Variants in RPGRIP1L observed in about 807,000 individuals in gnomAD.
RPGRIP1L encodes the protein protein fantom.
A neutral mutation model predicts 160.4 loss-of-function variants in RPGRIP1L; 131 were observed. The observed-to-expected ratio is 0.82, with a 90% CI of 0.71 to 0.94. The LOEUF is 0.94. Among genes scored for constraint, RPGRIP1L ranks in the 40% least tolerant of loss-of-function variants. The pLI is 0.00. For synonymous variants in RPGRIP1L, 510 were observed against 515.8 expected (o/e 0.99, Z 0.15); for missense variants, 1,522 against 1,535.8 (o/e 0.99, Z 0.15).
Position 53,638,330 on chromosome 16 carries a change from T to C in RPGRIP1L, c.3040A>G (p.Thr1014Ala), listed in dbSNP as rs757343133. 5.1e-6 allele frequency: 8 copies of C among 1,581,060 alleles called. No homozygotes were observed. The South Asian group carries it at 8.9e-5, about 17-fold the overall frequency. The part of the protein sequence containing the change: ...HIPEIEINML[T>A]VPHVPKVSQE... ...CATACCTTGGGAACATGTGGAACAG[T>C]CAGCATATTAATTTCTATTTCTGGT... Residue 1014 changes from threonine to alanine, a missense_variant, in exon 20 of 27, where the codon ACT (threonine) becomes GCT (alanine). Transcript: ENST00000647211.
In RPGRIP1L at chr16:53,688,016, G is replaced by T. The variant is rs148326584; in HGVS notation, c.530-51C>A. On this transcript the variant is annotated intron_variant, in intron 4 of 26. Transcript: ENST00000647211. ...TTACAGAATTGAAGTTAGAAAAGAA[G>T]GATCTTTGATTTGCTATAATAAGGA... 511 of 1,123,896 alleles carry T rather than the reference G, an allele frequency of 4.5e-4. 2 individuals carry two copies. The African/African-American group carries it at 6.9e-3, about 15-fold the overall frequency. 69.6% of individuals were successfully genotyped at this position (1,123,896 alleles called of 1,614,324 possible).
rs142938635 is a variant in RPGRIP1L, at chr16:53,601,521, G to C, written c.*555C>G. On this transcript the variant is annotated 3_prime_UTR_variant, in exon 27 of 27. Coordinates refer to ENST00000647211, the MANE Select transcript of RPGRIP1L (RefSeq NM_015272.5). Reference sequence around the variant, plus strand: ...GCATGCATCAAAGAAAATGCATACTGAGCTTTAATGTGCATAAAATGGATA... The same window carrying C: ...GCATGCATCAAAGAAAATGCATACTCAGCTTTAATGTGCATAAAATGGATA... 1.3e-5 allele frequency: 2 copies of C among 154,102 alleles called. No homozygotes were observed. The highest frequency in any genetic ancestry group is 1.9e-4 in the East Asian group (1 of 5,208). 9.5% of individuals were successfully genotyped at this position (154,102 alleles called of 1,614,324 possible).
At chr16:53,613,252 T>A (rs1964165647) in intron 24 of RPGRIP1L, among the ~76,000 whole-genome samples, 1 of 152,212 alleles carries the variant, frequency 6.6e-6, no homozygotes, top group African/African-American at 2.4e-5. Flanking sequence ...TTTCAATTCT[T>A]TTTGGTATAT....
chr16:53,658,908 G>C, intron 10 of RPGRIP1L, 30 bp from the exon 11 acceptor site: 2 of 1,398,498 alleles, frequency 1.4e-6, no homozygotes, highest in Non-Finnish European at 2.0e-6. Flanking sequence ...CAATTGGAAA[G>C]GTAAGTAAAA....
chr16:53,688,947 C>T (rs189995715), intron 4 of RPGRIP1L, among the ~76,000 whole-genome samples: 171 of 151,834 alleles, frequency 1.1e-3, no homozygotes, highest in Non-Finnish European at 2.0e-3. Flanking sequence ...GGCAGTAATG[C>T]TAATTCTTAC....
chr16:53,631,523 A>C (rs968314874), intron 22 of RPGRIP1L, among the ~76,000 whole-genome samples: 1 of 152,238 alleles, frequency 6.6e-6, no homozygotes, highest in African/African-American at 2.4e-5. Context: ...TAAAATTAGA[A>C]ATAATGCAAA....
At chr16:53,667,510 G>C (rs910924616) in intron 9 of RPGRIP1L, among the ~76,000 whole-genome samples, 15 of 152,334 alleles carry the variant, frequency 9.8e-5, no homozygotes, top group Admixed American at 7.2e-4. Flanking sequence ...GGCTGAGGCA[G>C]GAGGATGGCT....
intron 25 of RPGRIP1L, chr16:53,608,018 G>A (rs1029600574): frequency 5.1e-6 from 5 of 975,414 alleles, no homozygotes; most frequent in Non-Finnish European, 6.1e-6. Context: ...GGGGGCAGAT[G>A]TCAAGCACTC....
chr16:53,644,598 G>C (rs1363812961), intron 17 of RPGRIP1L, among the ~76,000 whole-genome samples: 2 of 152,060 alleles, frequency 1.3e-5, no homozygotes, highest in African/African-American at 4.8e-5. Context: ...AAGTATGAGA[G>C]AACCACAATA....
At chr16:53,657,208 C>G (rs996654963) in intron 13 of RPGRIP1L, among the ~76,000 whole-genome samples, 1 of 151,916 alleles carries the variant, frequency 6.6e-6, no homozygotes, top group Non-Finnish European at 1.5e-5. Context: ...CCACTGGATT[C>G]CAGCCTGGGT....
chr16:53,631,218 A>G (rs1411930421), intron 22 of RPGRIP1L, among the ~76,000 whole-genome samples: 1 of 152,236 alleles, frequency 6.6e-6, no homozygotes, highest in Non-Finnish European at 1.5e-5. Flanking sequence ...CAAAGTTTTA[A>G]ACATACTTTG....
intron 24 of RPGRIP1L, among the ~76,000 whole-genome samples, chr16:53,612,416 A>G (rs1221048701): frequency 6.6e-6 from 1 of 152,028 alleles, no homozygotes; most frequent in Admixed American, 6.5e-5. Context: ...CTAACAGATC[A>G]CTGGAAGATA....
At position 53,653,335 on chromosome 16, in the gene RPGRIP1L, C is replaced by T. The variant is rs191439212; in HGVS notation, c.1700-348G>A. On this transcript the variant is annotated intron_variant, in intron 14 of 26. Transcript: ENST00000647211. ...GTCTCTGCTCCACCCATTGTCTTCA[C>T]TCCTATAAAGTCAGTCTCTCTTTCT... 1.8e-5 allele frequency: 20 copies of T among 1,111,468 alleles called. No individual in the cohort carries two copies. In the Admixed American group the frequency reaches 3.8e-4, roughly 21 times the overall value. The allele number at this position is 1,111,468 out of a possible 1,614,324, so 68.9% of individuals were successfully genotyped here. A position where few individuals can be genotyped will look rare whatever the true frequency, so the allele number is the denominator to read the frequency against.
chr16:53,609,173 C>T (rs1441583340), intron 25 of RPGRIP1L, among the ~76,000 whole-genome samples: 2 of 152,194 alleles, frequency 1.3e-5, no homozygotes, highest in Admixed American at 6.5e-5. Flanking sequence ...ACTGCAAGCT[C>T]GAACTCCTGG....
chr16:53,602,028 A>T lies in RPGRIP1L; in HGVS notation c.*48T>A. ...ACAAAAATCTCATGTAGGAACTTTC[A>T]TGTGAGCATTTACTGAGGAGTAGGA... On this transcript the variant is annotated 3_prime_UTR_variant, in exon 27 of 27. Transcript: ENST00000647211. 2 of 1,084,504 alleles carry T rather than the reference A, an allele frequency of 1.8e-6. No individual in the cohort carries two copies. Among genetic ancestry groups the T allele is most frequent in the Non-Finnish European group, 2.8e-6 (2 of 704,284 alleles). The allele number at this position is 1,084,504 out of a possible 1,614,324, so 67.2% of individuals were successfully genotyped here.
intron 7 of RPGRIP1L, among the ~76,000 whole-genome samples, chr16:53,673,963 T>C (rs1968952777): frequency 6.6e-6 from 1 of 152,190 alleles, no homozygotes; most frequent in African/African-American, 2.4e-5. Flanking sequence ...GTCAAAGTGA[T>C]AAGAGAATGT....
chr16:53,673,444 C>T (rs1006997390), intron 7 of RPGRIP1L, among the ~76,000 whole-genome samples: 1 of 152,178 alleles, frequency 6.6e-6, no homozygotes, highest in Non-Finnish European at 1.5e-5. Context: ...ATCGTATAAA[C>T]AGCCTTGGAT....
In RPGRIP1L at chr16:53,617,771, G is replaced by A. The variant is rs184572837; in HGVS notation, c.3616+1254C>T. On this transcript the variant is annotated intron_variant, in intron 24 of 26. Transcript: ENST00000647211. ...AAGATTACTGTCTTGAGGAATGAAC[G>A]TATTTCTAAAAATGCCAGATGGGGG... Among the ~76,000 whole-genome samples, 19 of 152,226 alleles carry A rather than the reference G, an allele frequency of 1.2e-4. No individual in the cohort carries two copies. In the East Asian group the frequency reaches 1.7e-3, roughly 14 times the overall value.
chr16:53,618,215 T>C lies in RPGRIP1L; in HGVS notation c.3616+810A>G, dbSNP rs141744757. ...GCTATGAATGGATGTGTGTGCTATA[T>C]GATGAAAGGTGTAGTAAGAACTTAT... On this transcript the variant is annotated intron_variant, in intron 24 of 26. Coordinates refer to ENST00000647211, the MANE Select transcript of RPGRIP1L (RefSeq NM_015272.5). Among the ~76,000 whole-genome samples, 1,102 of 152,278 alleles carry C rather than the reference T, an allele frequency of 7.2e-3. 13 individuals are homozygous for C. Among genetic ancestry groups the C allele is most frequent in the African/African-American group, 0.025 (1,056 of 41,552 alleles).
Sources: gnomAD v4.1 joint callset for allele counts (sites outside exome capture counted in the v4.1 genomes callset) on GRCh38, gnomAD v4.1.1 for gene constraint, MANE v1.5 for transcripts, NCBI Gene and HGNC (gene_info 2026-07-23, HGNC 2026-07-21) for gene names.